Variants in LRIF1 observed in about 807,000 individuals in gnomAD.
LRIF1 encodes the protein ligand dependent nuclear receptor interacting factor 1.
Under a neutral mutation model 52.7 loss-of-function variants are expected in LRIF1, and 32 were observed. The observed-to-expected ratio is 0.61, with a 90% CI of 0.46 to 0.82. LRIF1 has a LOEUF of 0.82. Among genes scored for constraint, LRIF1 ranks in the 40% least tolerant of loss-of-function variants. The pLI, the probability that LRIF1 is intolerant of heterozygous loss-of-function variation, is 0.00. For synonymous variants in LRIF1, 323 were observed against 317.4 expected, an observed-to-expected ratio of 1.02 and a Z score of -0.19; for missense variants, 887 against 892.0, an observed-to-expected ratio of 0.99 and a Z score of 0.07.
intron 1 of LRIF1, 90 bp from the exon 2 acceptor site, chr1:110,952,905 TTAAAA>T (rs749389282): frequency 1.3e-4 from 100 of 753,468 alleles, no homozygotes; most frequent in Non-Finnish European, 1.7e-4. Context: ...TTTGTAAATA[TTAAAA>T]TAAAGTATAT....
At chr1:110,948,521 A>G in intron 3 of LRIF1, 122 bp from the exon 4 acceptor site, 1 of 1,383,972 alleles carries the variant, frequency 7.2e-7, no homozygotes, top group Non-Finnish European at 9.5e-7. Context: ...AACAAAATTT[A>G]TGGAAGACAA....
At chr1:110,899,852 A>G in the LRIF1 span, 1 of 152,698 alleles carries the variant, frequency 6.5e-6, no homozygotes, top group African/African-American at 2.4e-5. Flanking sequence ...TTCTGGTATT[A>G]TCTCTCTATC....
chr1:110,954,937 G>A (rs1462021435), intron 1 of LRIF1, among the ~76,000 whole-genome samples: 1 of 152,140 alleles, frequency 6.6e-6, no homozygotes, highest in Non-Finnish European at 1.5e-5. Flanking sequence ...TTCCTATTCT[G>A]TACTCTTTTG....
At chr1:110,887,213 A>G in the LRIF1 span, among the ~76,000 whole-genome samples, 11 of 151,916 alleles carry the variant, frequency 7.2e-5, no homozygotes, top group East Asian at 5.8e-4. Flanking sequence ...ACAGGCGCCC[A>G]CCACCACGCC....
At chr1:110,961,548 A>T (rs1045582635) in intron 1 of LRIF1, among the ~76,000 whole-genome samples, 1 of 152,198 alleles carries the variant, frequency 6.6e-6, no homozygotes, top group Non-Finnish European at 1.5e-5. Flanking sequence ...TTTACATGTG[A>T]TGTTCTGATG....
At chr1:110,895,814 A>G in the LRIF1 span, among the ~76,000 whole-genome samples, 1 of 152,224 alleles carries the variant, frequency 6.6e-6, no homozygotes, top group Non-Finnish European at 1.5e-5. Context: ...AACATTTTCC[A>G]GTGTCATCTC....
chr1:110,946,086 GA>G (rs1296814555), downstream of LRIF1, among the ~76,000 whole-genome samples: 1 of 152,116 alleles, frequency 6.6e-6, no homozygotes, highest in African/African-American at 2.4e-5. Context: ...GCCAAAAGTG[GA>G]AACAATCCAA....
the LRIF1 span, chr1:110,891,532 T>C: frequency 1.5e-6 from 2 of 1,304,532 alleles, no homozygotes; most frequent in Admixed American, 1.7e-5. Context: ...CTCTCCTCAT[T>C]CCTCTACTGA....
At chr1:110,950,733 A>G (rs1179513938) in intron 2 of LRIF1, among the ~76,000 whole-genome samples, 2 of 152,084 alleles carry the variant, frequency 1.3e-5, no homozygotes, top group Non-Finnish European at 2.9e-5. Flanking sequence ...CTACCAAAAA[A>G]AAAATCAACC....
chr1:110,951,206 A>G, intron 2 of LRIF1, 82 bp downstream of exon 2: 3 of 1,129,470 alleles, frequency 2.7e-6, no homozygotes, highest in Non-Finnish European at 2.5e-6. Context: ...GGAAAGAGGT[A>G]TCATAGATAA....
In LRIF1 at chr1:110,947,895, A is replaced by G; in HGVS notation, c.*64T>C. 1 of 1,513,846 alleles carries G rather than the reference A, an allele frequency of 6.6e-7. No homozygotes were observed. The highest frequency in any genetic ancestry group is 8.8e-7 in the Non-Finnish European group (1 of 1,136,550). The allele number at this position is 1,513,846 out of a possible 1,614,324, so 93.8% of individuals were successfully genotyped here. The stretch of plus-strand genomic sequence containing the variant: ...ACACTTTCAGAACACACCTACAATT[A>G]ACTTATTAATGCTGAAGTATATTTT... On this transcript the variant is annotated 3_prime_UTR_variant, in exon 4 of 4. Transcript: ENST00000369763.
chr1:110,914,626 A>ACG, the LRIF1 span, among the ~76,000 whole-genome samples: 1 of 152,086 alleles, frequency 6.6e-6, no homozygotes, highest in African/African-American at 2.4e-5. Flanking sequence ...GGTGGCAGGC[A>ACG]CCTGTAATCC....
At chr1:110,949,306 G>C (rs1028724824) in intron 3 of LRIF1, among the ~76,000 whole-genome samples, 1 of 151,970 alleles carries the variant, frequency 6.6e-6, no homozygotes, top group Non-Finnish European at 1.5e-5. Flanking sequence ...TTTTAGTAGA[G>C]ACGGGGTTTC....
At chr1:110,956,162 T>A (rs1258269087) in intron 1 of LRIF1, among the ~76,000 whole-genome samples, 1 of 152,176 alleles carries the variant, frequency 6.6e-6, no homozygotes, top group African/African-American at 2.4e-5. Flanking sequence ...ATTGGAACAG[T>A]CTTCGTGAAG....
the LRIF1 span, among the ~76,000 whole-genome samples, chr1:110,886,865 ATATAT>A: frequency 1.1e-3 from 48 of 44,364 alleles, no homozygotes; most frequent in South Asian, 9.8e-3. Flanking sequence ...ATATATATAT[ATATAT>A]TTTTTTTTTC....
the LRIF1 span, among the ~76,000 whole-genome samples, chr1:110,907,525 A>T: frequency 6.6e-6 from 1 of 152,222 alleles, no homozygotes; most frequent in South Asian, 2.1e-4. Flanking sequence ...CGAGGTCAGG[A>T]GTTCAAGACC....
At chr1:110,944,670 GAGTC>G (rs530644502), downstream of LRIF1, 374 of 152,284 alleles carry the variant, frequency 2.5e-3, 1 homozygote, top group African/African-American at 8.7e-3. Flanking sequence ...AGGAGAAAAG[GAGTC>G]AGGACAAATA....
the LRIF1 span, chr1:110,936,591 T>C: frequency 6.6e-6 from 1 of 151,876 alleles, no homozygotes; most frequent in South Asian, 2.1e-4. Context: ...ACAAAAAACA[T>C]ACAATGAATA....
intron 2 of LRIF1, among the ~76,000 whole-genome samples, chr1:110,950,362 T>G (rs1430973591): frequency 6.6e-6 from 1 of 152,188 alleles, no homozygotes; most frequent in Non-Finnish European, 1.5e-5. Context: ...TAATAAGTAG[T>G]CAATTCTAAA....
Sources: allele counts gnomAD v4.1 joint callset (sites outside exome capture counted in the v4.1 genomes callset), GRCh38; gene constraint gnomAD v4.1.1; transcripts MANE v1.5; gene names NCBI Gene and HGNC (gene_info 2026-07-23, HGNC 2026-07-21).